The following TNS1 variants were observed in gnomAD, a reference collection of about 807,000 sequenced individuals.
TNS1 encodes the protein tensin-1.
TNS1 carries 62 observed loss-of-function variants against 168.6 expected under a neutral mutation model. The observed-to-expected ratio is 0.37, with a 90% CI of 0.30 to 0.45. The LOEUF is 0.45. Ranked by LOEUF, TNS1 falls within the 20% of genes least tolerant of loss-of-function variation. The pLI, the probability that TNS1 is intolerant of heterozygous loss-of-function variation, is 1.00. For missense variants in TNS1, 2,240 were observed against 2,339.4 expected, an observed-to-expected ratio of 0.96 and a Z score of 0.88; for synonymous variants, 934 against 933.2, an observed-to-expected ratio of 1.00 and a Z score of -0.02.
At chr2:217,869,013 T>C (rs1949534634) in intron 18 of TNS1, among the ~76,000 whole-genome samples, 1 of 152,194 alleles carries the variant, frequency 6.6e-6, no homozygotes, top group African/African-American at 2.4e-5. Flanking sequence ...GGATGAATCA[T>C]CCATGAGCAG....
At chr2:217,809,166 T>G in intron 30 of TNS1, among the ~76,000 whole-genome samples, 1 of 88,976 alleles carries the variant, frequency 1.1e-5, no homozygotes, top group African/African-American at 5.5e-5. Flanking sequence ...GATGAATAAA[T>G]GCAGGGATGG....
At chr2:217,903,706 C>CAGACAGAG in intron 6 of TNS1, 1 of 1,069,994 alleles carries the variant, frequency 9.3e-7, no homozygotes, top group Non-Finnish European at 1.4e-6. Context: ...GAATTTCCTC[C>CAGACAGAG]TGGTATCTAA....
chr2:218,028,984 G>T lies in TNS1; in HGVS notation c.156+4836C>A, dbSNP rs963441577. On this transcript the variant is annotated intron_variant, in intron 1 of 1. Transcript: ENST00000649572. ...CTCTGTCCCAGTGCCAGGAGCCCTG[G>T]GCAAGTTCATACATCAAACGAGGAG... Among the ~76,000 whole-genome samples, 53 of 152,192 alleles carry T rather than the reference G, an allele frequency of 3.5e-4. 1 individual carries two copies. Among genetic ancestry groups the T allele is most frequent in the Non-Finnish European group, 1.6e-4 (11 of 68,018 alleles).
chr2:217,805,504 C>CA (rs1559131932), intron 32 of TNS1, among the ~76,000 whole-genome samples: 2 of 58,204 alleles, frequency 3.4e-5, no homozygotes, highest in African/African-American at 8.3e-5. Context: ...ACCACACACA[C>CA]CACCACACAC....
At chr2:217,979,157 A>T (rs62182224) in intron 2 of TNS1, among the ~76,000 whole-genome samples, 17,668 of 152,198 alleles carry the variant, frequency 0.12, 1,096 homozygotes, top group South Asian at 0.15. Flanking sequence ...CCCACCAAGG[A>T]ATAAGGGGGG....
Position 217,836,026 on chromosome 2 carries a change from G to A in TNS1, c.3193C>T (p.Arg1065Trp), listed in dbSNP as rs776215061. 25 of 1,612,670 alleles carry A rather than the reference G, an allele frequency of 1.6e-5. No individual in the cohort carries two copies. Among genetic ancestry groups the A allele is most frequent in the Middle Eastern group, 1.6e-4 (1 of 6,072 alleles). The change falls in exon 20 of 33, where the codon CGG (arginine) becomes TGG (tryptophan). Residue 1065 changes from arginine (R) to tryptophan (W), a missense_variant. By Grantham distance (101) the Arg-to-Trp change is moderately radical. Transcript: ENST00000682258. ...GCTTAAGGACTCACCTCTTTGGGCC[G>A]CCCTCCAGGATTGAGAGCGATGGTA... The part of the protein sequence containing the change: ...ALTIALNPGG[R>W]PKEPHLHSYK...
chr2:217,881,058 A>G, intron 17 of TNS1, 44 bp from the exon 18 acceptor site: 2 of 1,384,728 alleles, frequency 1.4e-6, no homozygotes, highest in Non-Finnish European at 1.0e-6. Context: ...GAGACAGTGC[A>G]GAGAGGGAAA....
rs1168488404 is a variant in TNS1, at chr2:218,033,882, G to A, written c.94C>T (p.Arg32Trp). Residue 32 changes from arginine to tryptophan, a missense_variant, in exon 1 of 2, where the codon CGG becomes TGG. By Grantham distance (101) the Arg-to-Trp change is moderately radical. Transcript: ENST00000649572. This position sits in a 1 kb window ranked among gnomAD's most constrained non-coding sequence, Gnocchi z 4.3. The stretch of plus-strand genomic sequence containing the variant: ...CCCCCGGACTCCCAGCACTCAGCCC[G>A]CGCCGAGACCCAGGGACTCCCCGGG... 6.6e-6 allele frequency among the ~76,000 whole-genome samples: 1 copy of A among 152,160 alleles called. No individual in the cohort carries two copies. The highest frequency in any genetic ancestry group is 2.4e-5 in the African/African-American group (1 of 41,432).
chr2:217,887,142 C>G (rs1488772000), intron 12 of TNS1, among the ~76,000 whole-genome samples: 3 of 152,244 alleles, frequency 2.0e-5, no homozygotes, highest in Admixed American at 6.5e-5. Flanking sequence ...AAGTGATAGT[C>G]TAGCAAATAG....
At chr2:217,846,044 AG>A (rs1456292498) in intron 19 of TNS1, among the ~76,000 whole-genome samples, 3 of 152,140 alleles carry the variant, frequency 2.0e-5, no homozygotes, top group African/African-American at 7.2e-5. Flanking sequence ...TGACAAAGCC[AG>A]GGGGGTATCT....
chr2:217,942,279 C>T (rs900447653), intron 3 of TNS1, among the ~76,000 whole-genome samples: 17 of 152,188 alleles, frequency 1.1e-4, no homozygotes, highest in African/African-American at 3.9e-4. Context: ...TGGTGCTCGG[C>T]CGGACTGGCC....
intron 24 of TNS1, among the ~76,000 whole-genome samples, chr2:217,816,658 C>T (rs1001426907): frequency 3.9e-5 from 6 of 152,130 alleles, no homozygotes; most frequent in African/African-American, 1.4e-4. Flanking sequence ...ACTCCAAAGG[C>T]TATTTTAAGC....
chr2:217,953,254 A>G (rs1957284018), intron 3 of TNS1, among the ~76,000 whole-genome samples: 1 of 152,146 alleles, frequency 6.6e-6, no homozygotes, highest in African/African-American at 2.4e-5. Flanking sequence ...GCTGGGGCGG[A>G]AGGGGTGGGA....
chr2:217,895,078 G>A, intron 8 of TNS1, 22 bp from the exon 9 acceptor site: 3 of 1,604,528 alleles, frequency 1.9e-6, no homozygotes, highest in Non-Finnish European at 2.6e-6. Flanking sequence ...AAAAGGAAGA[G>A]AGCATGAGGA....
At chr2:217,811,633 A>AC (rs943452478) in intron 28 of TNS1, among the ~76,000 whole-genome samples, 24 of 152,168 alleles carry the variant, frequency 1.6e-4, no homozygotes, top group African/African-American at 5.3e-4. Context: ...GAGGCCAGTG[A>AC]CCCTCAGGTG....
intron 2 of TNS1, 53 bp from the exon 3 acceptor site, chr2:217,978,855 G>C (rs1957960793): frequency 8.6e-6 from 6 of 701,618 alleles, no homozygotes; most frequent in Non-Finnish European, 1.6e-5. Context: ...GTATGAAATG[G>C]AAACTCCGCG....
chr2:218,022,473 T>A (rs543730365), intron 1 of TNS1, among the ~76,000 whole-genome samples: 2 of 152,278 alleles, frequency 1.3e-5, no homozygotes, highest in East Asian at 3.9e-4. Flanking sequence ...AGCTGGGACG[T>A]GGACACGCAC....
intron 7 of TNS1, among the ~76,000 whole-genome samples, chr2:217,900,077 C>T (rs1449782885): frequency 1.3e-5 from 2 of 152,178 alleles, no homozygotes; most frequent in South Asian, 2.1e-4. Flanking sequence ...AGATCCAGCA[C>T]AGGCCTCAAT....
intron 3 of TNS1, among the ~76,000 whole-genome samples, chr2:217,974,128 G>A (rs534824369): frequency 4.6e-4 from 70 of 152,256 alleles, no homozygotes; most frequent in African/African-American, 1.6e-3. Context: ...TTACCTTTGG[G>A]GTATATTGAC....
Sources: gnomAD v4.1 joint callset for allele counts (sites outside exome capture counted in the v4.1 genomes callset) on GRCh38, gnomAD v4.1.1 for gene constraint, Gnocchi (gnomAD v3.1) non-coding constraint, MANE v1.5 for transcripts, NCBI Gene and HGNC (gene_info 2026-07-23, HGNC 2026-07-21) for gene names.